The following PLD5 variants were observed in gnomAD, a reference collection of about 807,000 sequenced individuals.
PLD5 encodes phospholipase D family member 5.
PLD5 carries 36 observed loss-of-function variants against 61.1 expected under a neutral mutation model. The observed-to-expected ratio is 0.59, with a 90% CI of 0.45 to 0.78. PLD5 has a LOEUF of 0.78. Ranked by LOEUF, PLD5 falls within the 30% of genes least tolerant of loss-of-function variation. The pLI, the probability that PLD5 is intolerant of heterozygous loss-of-function variation, is 0.00. For synonymous variants in PLD5, 243 were observed against 242.8 expected, an observed-to-expected ratio of 1.00 and a Z score of -0.01; for missense variants, 515 against 644.4, an observed-to-expected ratio of 0.80 and a Z score of 2.17.
chr1:242,124,757 T>G, intron 5 of PLD5, 92 bp from the exon 6 acceptor site: 1 of 1,025,018 alleles, frequency 9.8e-7, no homozygotes, highest in Non-Finnish European at 1.4e-6. Flanking sequence ...GAGGTAGTTG[T>G]GACATCTTTT....
intron 2 of PLD5, among the ~76,000 whole-genome samples, chr1:242,317,544 T>C (rs1217142257): frequency 6.6e-6 from 1 of 152,160 alleles, no homozygotes; most frequent in Non-Finnish European, 1.5e-5. Context: ...AAGTTCAAAT[T>C]GAGGCAAGTT....
At chr1:242,121,366 G>C (rs1002707888) in intron 6 of PLD5, among the ~76,000 whole-genome samples, 1 of 152,116 alleles carries the variant, frequency 6.6e-6, no homozygotes, top group African/African-American at 2.4e-5. Context: ...AAGGAACTCT[G>C]TCTGAATGAT....
In PLD5 at chr1:242,107,811, T is replaced by C. The variant is rs773238572; in HGVS notation, c.1099A>G (p.Ile367Val). ...CTTCGTAAAACTAATGCTTCTCTTA[T>C]TTTTGCATCCAAGTCTGGCCAGTAA... Reference protein sequence around the residue: ...RTYWPDLDAKIREALVLRSVR... With the variant: ...RTYWPDLDAKVREALVLRSVR... The change falls in exon 8 of 10, where the codon ATA becomes GTA. Residue 367 changes from isoleucine (I) to valine (V), a missense_variant. Ile to Val is a conservative substitution (Grantham distance 29). Transcript: ENST00000536534. 1.9e-6 allele frequency: 3 copies of C among 1,604,774 alleles called. No individual in the cohort carries two copies. Among genetic ancestry groups the C allele is most frequent in the Non-Finnish European group, 2.5e-6 (3 of 1,177,442 alleles).
intron 1 of PLD5, among the ~76,000 whole-genome samples, chr1:242,489,788 A>G (rs1468349571): frequency 6.6e-6 from 1 of 152,236 alleles, no homozygotes; most frequent in Non-Finnish European, 1.5e-5. Flanking sequence ...TACAGAATCA[A>G]CAGAATTTCA....
At chr1:242,187,003 A>G (rs1423506297) in intron 5 of PLD5, among the ~76,000 whole-genome samples, 1 of 152,208 alleles carries the variant, frequency 6.6e-6, no homozygotes, top group Non-Finnish European at 1.5e-5. Flanking sequence ...ATATTATCCT[A>G]GCATCAAAGG....
In PLD5 at chr1:242,256,855, T is replaced by A. The variant is rs560143116; in HGVS notation, c.607+8482A>T. On this transcript the variant is annotated intron_variant, in intron 4 of 9. Coordinates refer to ENST00000536534, the MANE Select transcript of PLD5 (RefSeq NM_001372062.1). This position sits in a 1 kb window ranked among gnomAD's most constrained non-coding sequence, Gnocchi z 5.7. ...TTTCTTTCTTTCTGTGTATCTGCCATCTATCTTCCTATCTTCTTTCTTTTC... is the reference window on the plus strand; with the variant it reads ...TTTCTTTCTTTCTGTGTATCTGCCAACTATCTTCCTATCTTCTTTCTTTTC... Among the ~76,000 whole-genome samples the A allele has an allele frequency of 1.8e-4, 27 of 146,074 alleles. No homozygotes were observed. The highest frequency in any genetic ancestry group is 6.2e-4 in the African/African-American group (25 of 40,158).
At chr1:242,215,503 T>G (rs1436651948) in intron 5 of PLD5, among the ~76,000 whole-genome samples, 1 of 152,210 alleles carries the variant, frequency 6.6e-6, no homozygotes, top group Non-Finnish European at 1.5e-5. Flanking sequence ...ATATGCACTT[T>G]GCTAAAACCT....
chr1:242,104,262 T>C (rs922803939), intron 8 of PLD5, among the ~76,000 whole-genome samples: 1 of 151,652 alleles, frequency 6.6e-6, no homozygotes, highest in African/African-American at 2.4e-5. Flanking sequence ...TCCCTAGGAC[T>C]ACAGATATGC....
At chr1:242,353,913 T>A (rs1660612380) in intron 1 of PLD5, among the ~76,000 whole-genome samples, 1 of 152,174 alleles carries the variant, frequency 6.6e-6, no homozygotes, top group Admixed American at 6.5e-5. Flanking sequence ...TTTCCAAAGT[T>A]TGTTGTTAGT....
At chr1:242,187,849 T>C (rs1207035800) in intron 5 of PLD5, among the ~76,000 whole-genome samples, 1 of 151,838 alleles carries the variant, frequency 6.6e-6, no homozygotes, top group Non-Finnish European at 1.5e-5. Context: ...GCCCAGAAAA[T>C]AGGTAGAAAT....
At chr1:242,457,380 T>C (rs1666975715) in intron 1 of PLD5, among the ~76,000 whole-genome samples, 1 of 152,210 alleles carries the variant, frequency 6.6e-6, no homozygotes, top group Non-Finnish European at 1.5e-5. Flanking sequence ...TTTCTTAATA[T>C]TCCTAAATCT....
chr1:242,449,459 T>G (rs895589949), intron 1 of PLD5: 10 of 1,534,682 alleles, frequency 6.5e-6, no homozygotes, highest in Non-Finnish European at 8.7e-6. Flanking sequence ...CAGAGAATGT[T>G]TCATGTGGCA....
upstream of PLD5, among the ~76,000 whole-genome samples, chr1:242,527,749 A>G (rs1669480323): frequency 6.6e-6 from 1 of 152,220 alleles, no homozygotes; most frequent in Non-Finnish European, 1.5e-5. Context: ...ATAAAATTGA[A>G]CCCAACTGAA....
At chr1:242,232,895 C>A (rs1671397135) in intron 4 of PLD5, among the ~76,000 whole-genome samples, 1 of 151,914 alleles carries the variant, frequency 6.6e-6, no homozygotes. Context: ...TGGCTCACAC[C>A]TGTAATCCCA....
At position 242,089,263 on chromosome 1, in the gene PLD5, G is replaced by A. The variant is rs1290077379; in HGVS notation, c.*591C>T. 2 of 398,790 alleles carry A rather than the reference G, an allele frequency of 5.0e-6. No homozygotes were observed. The highest frequency in any genetic ancestry group is 8.8e-6 in the Non-Finnish European group (2 of 226,362). 24.7% of individuals were successfully genotyped at this position (398,790 alleles called of 1,614,324 possible). On this transcript the variant is annotated 3_prime_UTR_variant, in exon 10 of 10. Coordinates refer to ENST00000536534, the MANE Select transcript of PLD5 (RefSeq NM_001372062.1). ...ATGCTATATAATAGGAACATTTTGT[G>A]AGAAGAGAAAATGATACCAAATAAA...
chr1:242,215,945 T>A (rs1670164134), intron 5 of PLD5, among the ~76,000 whole-genome samples: 1 of 152,230 alleles, frequency 6.6e-6, no homozygotes, highest in Non-Finnish European at 1.5e-5. Flanking sequence ...CTGCCTTTTT[T>A]CAGATTTATC....
intron 1 of PLD5, among the ~76,000 whole-genome samples, chr1:242,447,373 T>G (rs937450002): frequency 1.3e-5 from 2 of 152,192 alleles, no homozygotes; most frequent in Admixed American, 1.3e-4. Context: ...TGATCACATT[T>G]GCAATGATGA....
chr1:242,195,231 T>G (rs543474137), intron 5 of PLD5, among the ~76,000 whole-genome samples: 1 of 152,320 alleles, frequency 6.6e-6, no homozygotes, highest in African/African-American at 2.4e-5. Flanking sequence ...CTGGCCGTGG[T>G]ACAGGACACT....
intron 5 of PLD5, among the ~76,000 whole-genome samples, chr1:242,174,728 G>T (rs1395266682): frequency 6.6e-6 from 1 of 152,040 alleles, no homozygotes; most frequent in African/African-American, 2.4e-5. Flanking sequence ...CATAAAAAAT[G>T]ATGAGTTCAT....
Sources: gnomAD v4.1 joint callset for allele counts (sites outside exome capture counted in the v4.1 genomes callset) on GRCh38, gnomAD v4.1.1 for gene constraint, Gnocchi (gnomAD v3.1) non-coding constraint, MANE v1.5 for transcripts, NCBI Gene and HGNC (gene_info 2026-07-23, HGNC 2026-07-21) for gene names.